RECK: variants seen among roughly 807,000 people sequenced by gnomAD.
RECK encodes the protein reversion-inducing cysteine-rich protein with Kazal motifs.
Under a neutral mutation model 115.1 loss-of-function variants are expected in RECK, and 69 were observed. The ratio of observed to expected loss-of-function variants is 0.60; its 90% CI spans 0.49 to 0.73. The LOEUF (loss-of-function observed/expected upper bound fraction) is 0.73, where lower values mean the gene tolerates loss of function less well. Among genes scored for constraint, RECK ranks in the 30% least tolerant of loss-of-function variants. The probability of loss-of-function intolerance (pLI) is 0.00; values close to 1 mark genes in which losing one functional copy is unlikely to be tolerated. For synonymous variants in RECK, 414 were observed against 419.7 expected (o/e 0.99, Z 0.17); for missense variants, 1,047 against 1,203.7 (o/e 0.87, Z 1.93).
At chr9:36,057,199 G>T (rs976739564) in intron 2 of RECK, among the ~76,000 whole-genome samples, 1 of 151,264 alleles carries the variant, frequency 6.6e-6, no homozygotes, top group Non-Finnish European at 1.5e-5. Context: ...ATTTTATGGA[G>T]AATTTATGTG....
At chr9:36,075,118 C>G (rs1328017966) in intron 6 of RECK, among the ~76,000 whole-genome samples, 1 of 152,178 alleles carries the variant, frequency 6.6e-6, no homozygotes, top group African/African-American at 2.4e-5. Context: ...AAGTGTAGTT[C>G]GGGCAACTGC....
rs1820958871 is a variant in RECK, at chr9:36,043,382, C to G, written c.100+6284C>G. Among the ~76,000 whole-genome samples, 3 of 151,514 alleles carry G rather than the reference C, an allele frequency of 2.0e-5. No individual in the cohort carries two copies. In the South Asian group the frequency reaches 6.3e-4, roughly 32 times the overall value. On this transcript the variant is annotated intron_variant, in intron 1 of 20. Transcript: ENST00000377966. Reference sequence around the variant, plus strand: ...TAATGGACTGTTTGTTTTTCTCTTGCTGATTTGTCTGAGTTCCTTGTAGAT... The same window carrying G: ...TAATGGACTGTTTGTTTTTCTCTTGGTGATTTGTCTGAGTTCCTTGTAGAT...
rs550473512 is a variant in RECK, at chr9:36,122,886, T to C, written c.2757T>C (p.Thr919=). 1 of 1,614,210 alleles carries C rather than the reference T, an allele frequency of 6.2e-7. No homozygotes were observed. The highest frequency in any genetic ancestry group is 2.2e-5 in the East Asian group (1 of 44,886). ...CCCTTATCAACTCTGACAGCCCGACTTTGGCGTCCCATGTCCCTCTCTCTG... is the reference window on the plus strand; with the variant it reads ...CCCTTATCAACTCTGACAGCCCGACCTTGGCGTCCCATGTCCCTCTCTCTG... ...IESLINSDSP[T]LASHVPLSAL... The change falls in exon 21 of 21, where the codon ACT becomes ACC. Residue 919 remains threonine (T), a synonymous_variant. Transcript: ENST00000377966.
At chr9:36,079,988 C>T (rs1433018506) in intron 6 of RECK, among the ~76,000 whole-genome samples, 1 of 152,026 alleles carries the variant, frequency 6.6e-6, no homozygotes, top group Non-Finnish European at 1.5e-5. Flanking sequence ...TCTCTTTTAC[C>T]CTGCTGAGGA....
rs145505931 is a variant in RECK, at chr9:36,097,267, G to T, written c.1086-3064G>T. On this transcript the variant is annotated intron_variant, in intron 10 of 20. Coordinates refer to ENST00000377966, the MANE Select transcript of RECK (RefSeq NM_021111.3). Reference sequence around the variant, plus strand: ...GGCTTGAACCTAGGAGGTGAAAGTTGCAGTGAGCTGAGATCGCGCCACTGC... The same window carrying T: ...GGCTTGAACCTAGGAGGTGAAAGTTTCAGTGAGCTGAGATCGCGCCACTGC... 5.8e-3 allele frequency among the ~76,000 whole-genome samples: 871 copies of T among 150,526 alleles called. 8 individuals carry two copies. The highest frequency in any genetic ancestry group is 0.019 in the African/African-American group (773 of 40,870).
intron 15 of RECK, among the ~76,000 whole-genome samples, 183 bp from the exon 16 acceptor site, chr9:36,112,122 C>CAA (rs58460262): frequency 0.035 from 2,470 of 70,700 alleles, 110 homozygotes; most frequent in African/African-American, 0.077. Flanking sequence ...GACTCCATCT[C>CAA]AAAAAAAAAA....
intron 2 of RECK, among the ~76,000 whole-genome samples, chr9:36,053,145 G>T (rs1186854587): frequency 2.0e-5 from 3 of 152,148 alleles, no homozygotes; most frequent in African/African-American, 7.2e-5. Context: ...GGTGCATCTT[G>T]ATGAAGACCA....
At chr9:36,115,930 C>T (rs936140927) in intron 16 of RECK, among the ~76,000 whole-genome samples, 3 of 151,882 alleles carry the variant, frequency 2.0e-5, no homozygotes, top group Non-Finnish European at 4.4e-5. Context: ...CAGAAAAAAG[C>T]CTAAAGAAGA....
chr9:36,059,445 G>A (rs1169316308), intron 3 of RECK, among the ~76,000 whole-genome samples: 6 of 128,452 alleles, frequency 4.7e-5, no homozygotes. Flanking sequence ...AGCAGAGTAA[G>A]ACTCCGTCTC....
intron 1 of RECK, among the ~76,000 whole-genome samples, chr9:36,043,933 A>AG: frequency 6.6e-6 from 1 of 152,128 alleles, no homozygotes; most frequent in South Asian, 2.1e-4. Flanking sequence ...TATAATTTGA[A>AG]GCTTCCATTT....
intron 1 of RECK, among the ~76,000 whole-genome samples, chr9:36,049,467 T>C (rs1360976486): frequency 2.6e-5 from 4 of 152,094 alleles, no homozygotes; most frequent in African/African-American, 9.7e-5. Context: ...AGAATTGTCT[T>C]ATGCCACATG....
At chr9:36,037,870 G>A (rs1820729397) in intron 1 of RECK, among the ~76,000 whole-genome samples, 1 of 151,988 alleles carries the variant, frequency 6.6e-6, no homozygotes, top group African/African-American at 2.4e-5. Context: ...GAGGGAGAGA[G>A]GACATCGACC....
At chr9:36,062,225 A>G (rs1000483134) in intron 4 of RECK, among the ~76,000 whole-genome samples, 2 of 149,394 alleles carry the variant, frequency 1.3e-5, no homozygotes, top group Non-Finnish European at 3.0e-5. Context: ...GCAATGGCAC[A>G]ATCTCAGCTC....
chr9:36,071,303 A>G (rs1283349308), intron 6 of RECK, among the ~76,000 whole-genome samples: 4 of 152,238 alleles, frequency 2.6e-5, no homozygotes, highest in African/African-American at 7.2e-5. Flanking sequence ...TGAATGTCAC[A>G]ATAAGCTTCA....
intron 1 of RECK, among the ~76,000 whole-genome samples, chr9:36,047,810 A>C (rs1444024324): frequency 1.1e-5 from 1 of 93,538 alleles, no homozygotes; most frequent in African/African-American, 8.9e-5. Context: ...AGCCAGTCTC[A>C]AAAAAAAAAA....
chr9:36,069,943 C>T (rs1283809134), intron 6 of RECK, among the ~76,000 whole-genome samples: 1 of 152,156 alleles, frequency 6.6e-6, no homozygotes, highest in East Asian at 1.9e-4. Flanking sequence ...AGAATGATTC[C>T]TAAATGGTTC....
intron 6 of RECK, among the ~76,000 whole-genome samples, chr9:36,071,934 T>C (rs919661237): frequency 6.6e-6 from 1 of 152,192 alleles, no homozygotes; most frequent in Non-Finnish European, 1.5e-5. Context: ...GATTTTCACA[T>C]TGTTCAAAAT....
intron 10 of RECK, among the ~76,000 whole-genome samples, chr9:36,096,645 CTGTG>C (rs1235313385): frequency 2.0e-5 from 3 of 151,956 alleles, no homozygotes; most frequent in Admixed American, 1.3e-4. Flanking sequence ...GAACCTCAAC[CTGTG>C]TTTCACACCC....
At chr9:36,057,109 T>G (rs1447308434) in intron 2 of RECK, 1 of 744,838 alleles carries the variant, frequency 1.3e-6, no homozygotes, top group Non-Finnish European at 1.6e-6. Context: ...AGTGAGCCAT[T>G]TGGCTTGGTG....
Sources: gnomAD v4.1 joint callset for allele counts (sites outside exome capture counted in the v4.1 genomes callset) on GRCh38, gnomAD v4.1.1 for gene constraint, MANE v1.5 for transcripts, NCBI Gene and HGNC (gene_info 2026-07-23, HGNC 2026-07-21) for gene names.